Variants in TAF2 observed in about 807,000 individuals in gnomAD.
TAF2 encodes the protein transcription initiation factor TFIID subunit 2.
Under a neutral mutation model 138.5 loss-of-function variants are expected in TAF2, and 61 were observed. That is an observed-to-expected ratio of 0.44 (90% CI 0.36 to 0.54). TAF2 has a LOEUF of 0.54. TAF2 is among the 20% of genes least tolerant of loss of function. The probability of loss-of-function intolerance (pLI) is 0.00; values close to 1 mark genes in which losing one functional copy is unlikely to be tolerated. For missense variants in TAF2, 1,090 were observed against 1,427.9 expected, an observed-to-expected ratio of 0.76 and a Z score of 3.81; for synonymous variants, 475 against 469.9, an observed-to-expected ratio of 1.01 and a Z score of -0.14.
rs1819815539 is a variant in TAF2, at chr8:119,744,462, C to G, written c.3109-69G>C. The G allele has an allele frequency of 2.2e-6, 3 of 1,390,992 alleles. No individual in the cohort carries two copies. In the East Asian group the frequency reaches 6.9e-5, roughly 32 times the overall value. 86.2% of individuals were successfully genotyped at this position (1,390,992 alleles called of 1,614,324 possible). A position where few individuals can be genotyped will look rare whatever the true frequency, so the allele number is the denominator to read the frequency against. On this transcript the variant is annotated intron_variant, in intron 23 of 25. Transcript: ENST00000378164. Reference sequence around the variant, plus strand: ...ATCATGTTATGTTTGGATATTAGCTCTTAGGAAAAGTAGCAGAGAGGCCAT... The same window carrying G: ...ATCATGTTATGTTTGGATATTAGCTGTTAGGAAAAGTAGCAGAGAGGCCAT...
At chr8:119,748,149 AGGGAGGGAAGG>A (rs1009833144) in intron 22 of TAF2, among the ~76,000 whole-genome samples, 1 of 144,632 alleles carries the variant, frequency 6.9e-6, no homozygotes, top group Non-Finnish European at 1.5e-5. Context: ...GAAGGAAGGG[AGGGAGGGAAGG>A]GGGAGGGAAG....
chr8:119,764,283 T>C (rs1821277795), intron 18 of TAF2, among the ~76,000 whole-genome samples: 1 of 152,274 alleles, frequency 6.6e-6, no homozygotes, highest in Non-Finnish European at 1.5e-5. Flanking sequence ...TTACCTATTG[T>C]AGTTATTATT....
intron 24 of TAF2, 66 bp downstream of exon 24, chr8:119,744,222 C>A: frequency 7.5e-7 from 1 of 1,332,108 alleles, no homozygotes; most frequent in Non-Finnish European, 1.1e-6. Flanking sequence ...TAAAGTAACA[C>A]ACATTAGAAT....
At position 119,769,240 on chromosome 8, in the gene TAF2, C is replaced by T. The variant is rs541878351; in HGVS notation, c.2365-6632G>A. The stretch of plus-strand genomic sequence containing the variant: ...ACCCTAATAACAGAAATACACAGGG[C>T]TATAGAAGTACAGCCAAAAAAATAC... On this transcript the variant is annotated intron_variant, in intron 18 of 25. Coordinates refer to ENST00000378164, the MANE Select transcript of TAF2 (RefSeq NM_003184.4). 6.6e-5 allele frequency among the ~76,000 whole-genome samples: 10 copies of T among 152,270 alleles called. No individual in the cohort carries two copies. The East Asian group carries it at 1.9e-3, about 29-fold the overall frequency.
intron 16 of TAF2, 54 bp downstream of exon 16, chr8:119,783,327 A>G: frequency 6.3e-7 from 1 of 1,574,826 alleles, no homozygotes; most frequent in South Asian, 1.2e-5. Flanking sequence ...TCATTTTCAG[A>G]GATACAAAAA....
chr8:119,805,970 T>A (rs1244786861), intron 4 of TAF2, among the ~76,000 whole-genome samples: 1 of 151,902 alleles, frequency 6.6e-6, no homozygotes, highest in Non-Finnish European at 1.5e-5. Context: ...AGGGGTGCGA[T>A]CTCAGCTCAC....
intron 7 of TAF2, among the ~76,000 whole-genome samples, 179 bp downstream of exon 7, chr8:119,797,483 C>A (rs1352122805): frequency 1.3e-5 from 2 of 152,026 alleles, no homozygotes; most frequent in Non-Finnish European, 2.9e-5. Flanking sequence ...ATCTCAAAAA[C>A]TTTGTCTTCA....
intron 14 of TAF2, among the ~76,000 whole-genome samples, chr8:119,785,943 T>G (rs1822984082): frequency 6.6e-6 from 1 of 152,012 alleles, no homozygotes; most frequent in Non-Finnish European, 1.5e-5. Context: ...CAAAAAGAAA[T>G]AAGAATCTCA....
At chr8:119,819,271 G>T in intron 3 of TAF2, 75 bp downstream of exon 3, 3 of 1,496,450 alleles carry the variant, frequency 2.0e-6, no homozygotes, top group South Asian at 1.2e-5. Context: ...AATACTTTGA[G>T]AAAAACTAAT....
At chr8:119,757,012 T>C (rs910943395) in intron 21 of TAF2, among the ~76,000 whole-genome samples, 19 of 152,178 alleles carry the variant, frequency 1.2e-4, no homozygotes, top group Admixed American at 7.2e-4. Flanking sequence ...GTAATTCTTA[T>C]GGAGGTCAGC....
intron 10 of TAF2, among the ~76,000 whole-genome samples, 157 bp downstream of exon 10, chr8:119,793,209 T>C (rs911139982): frequency 1.3e-5 from 2 of 152,176 alleles, no homozygotes; most frequent in Non-Finnish European, 2.9e-5. Context: ...CTTCCAATCT[T>C]ATGAGCTTTA....
At chr8:119,815,209 G>T (rs879555397) in intron 3 of TAF2, among the ~76,000 whole-genome samples, 4 of 151,850 alleles carry the variant, frequency 2.6e-5, no homozygotes, top group Non-Finnish European at 4.4e-5. Context: ...TTGAACCTGG[G>T]AGGCGGAGGT....
At chr8:119,771,065 C>T (rs893821449) in intron 18 of TAF2, among the ~76,000 whole-genome samples, 5 of 151,760 alleles carry the variant, frequency 3.3e-5, no homozygotes, top group Admixed American at 1.3e-4. Flanking sequence ...AGCGAGACTC[C>T]GTCTCTTAAA....
intron 3 of TAF2, among the ~76,000 whole-genome samples, chr8:119,810,702 A>C (rs1310099294): frequency 6.6e-6 from 1 of 152,202 alleles, no homozygotes; most frequent in East Asian, 1.9e-4. Flanking sequence ...AGTATAATTT[A>C]TTTTCAATAA....
At position 119,788,921 on chromosome 8, in the gene TAF2, G is replaced by A. The variant is rs1191361429; in HGVS notation, c.1569-17C>T. 2 of 1,511,202 alleles carry A rather than the reference G, an allele frequency of 1.3e-6. No individual in the cohort carries two copies. The highest frequency in any genetic ancestry group is 1.8e-6 in the Non-Finnish European group (2 of 1,086,426). 93.6% of individuals were successfully genotyped at this position (1,511,202 alleles called of 1,614,324 possible). On this transcript the variant is annotated splice_polypyrimidine_tract_variant and intron_variant, in intron 12 of 25. Coordinates refer to ENST00000378164, the MANE Select transcript of TAF2 (RefSeq NM_003184.4). ...CTCTGATCTCTGAAGAATTGTAAAG[G>A]AAAGTTTACATACTGAAACGAATAT... is the stretch of plus-strand genomic sequence containing the variant.
chr8:119,823,084 C>G (rs138443339), intron 2 of TAF2, among the ~76,000 whole-genome samples: 5 of 152,192 alleles, frequency 3.3e-5, no homozygotes, highest in African/African-American at 1.2e-4. Context: ...TAATTACAAT[C>G]TTTCCTTTCT....
At chr8:119,831,509 T>C (rs891095254) in intron 2 of TAF2, among the ~76,000 whole-genome samples, 168 bp downstream of exon 2, 4 of 152,176 alleles carry the variant, frequency 2.6e-5, no homozygotes, top group African/African-American at 9.7e-5. Context: ...TAGGTATTAA[T>C]AGAAGGACCA....
intron 21 of TAF2, among the ~76,000 whole-genome samples, chr8:119,756,539 C>CA (rs1408528094): frequency 1.4e-4 from 21 of 151,740 alleles, no homozygotes; most frequent in African/African-American, 4.4e-4. Context: ...TAACATGGAG[C>CA]AAAAAAATCT....
intron 18 of TAF2, 27 bp downstream of exon 18, chr8:119,777,992 G>C (rs768142430): frequency 8.2e-7 from 1 of 1,212,574 alleles, no homozygotes; most frequent in Non-Finnish European, 1.2e-6. Context: ...AACTGTTGTA[G>C]AAGATTTAAA....
Sources: gnomAD v4.1 joint callset for allele counts (sites outside exome capture counted in the v4.1 genomes callset) on GRCh38, gnomAD v4.1.1 for gene constraint, MANE v1.5 for transcripts, NCBI Gene and HGNC (gene_info 2026-07-23, HGNC 2026-07-21) for gene names.